Variants in OPRM1 observed in about 807,000 individuals in gnomAD.
OPRM1 encodes opioid receptor mu 1.
A neutral mutation model predicts 31.8 loss-of-function variants in OPRM1; 27 were observed. That is an observed-to-expected ratio of 0.85 (90% CI 0.63 to 1.17). The LOEUF (loss-of-function observed/expected upper bound fraction) is 1.17, where lower values mean the gene tolerates loss of function less well. OPRM1 is among the 50% of genes most tolerant of loss of function. The probability of loss-of-function intolerance (pLI) is 0.00; values close to 1 mark genes in which losing one functional copy is unlikely to be tolerated. For missense variants in OPRM1, 536 were observed against 511.1 expected, an observed-to-expected ratio of 1.05 and a Z score of -0.47; for synonymous variants, 196 against 189.9, an observed-to-expected ratio of 1.03 and a Z score of -0.26.
intron 3 of OPRM1, among the ~76,000 whole-genome samples, chr6:154,166,299 TG>T (rs1367451058): frequency 6.6e-6 from 1 of 152,204 alleles, no homozygotes; most frequent in Admixed American, 6.5e-5. Flanking sequence ...AGTGGCCAGG[TG>T]AGGGCATGGT....
At position 154,131,050 on chromosome 6, in the gene OPRM1, G is replaced by A. The variant is rs1056214968; in HGVS notation, c.*12329G>A. ...AAATAGGAAAGTTAAAAAAAAGTAAGTCTAAAGATTAGGTGCTCTGTCACT... is the reference window on the plus strand; with the variant it reads ...AAATAGGAAAGTTAAAAAAAAGTAAATCTAAAGATTAGGTGCTCTGTCACT... On this transcript the variant is annotated 3_prime_UTR_variant, in exon 4 of 4. Transcript: ENST00000330432. Among the ~76,000 whole-genome samples the A allele has an allele frequency of 1.4e-4, 22 of 152,122 alleles. No homozygotes were observed. Among genetic ancestry groups the A allele is most frequent in the African/African-American group, 5.3e-4 (22 of 41,500 alleles).
chr6:154,032,561 G>A (rs777186953), intron 1 of OPRM1, among the ~76,000 whole-genome samples: 2 of 152,036 alleles, frequency 1.3e-5, no homozygotes, highest in Admixed American at 6.5e-5. Flanking sequence ...TCAGCCTACC[G>A]AGTAGCTAGG....
rs145019814 is a variant in OPRM1, at chr6:154,118,941, G to A, written c.*220G>A. 444 of 1,299,344 alleles carry A rather than the reference G, an allele frequency of 3.4e-4. 2 individuals carry two copies. The African/African-American group carries it at 5.7e-3, about 17-fold the overall frequency. The allele number at this position is 1,299,344 out of a possible 1,614,324, so 80.5% of individuals were successfully genotyped here. On this transcript the variant is annotated 3_prime_UTR_variant, in exon 4 of 4. Transcript: ENST00000330432. Reference sequence around the variant, plus strand: ...AAGGAAAGGAATATACCACACCGAGGAGTCCAGTTTGTGCAAGACACCCAG... The same window carrying A: ...AAGGAAAGGAATATACCACACCGAGAAGTCCAGTTTGTGCAAGACACCCAG...
intron 3 of OPRM1, among the ~76,000 whole-genome samples, chr6:154,143,137 C>A (rs193225813): frequency 6.6e-6 from 1 of 152,240 alleles, no homozygotes; most frequent in Non-Finnish European, 1.5e-5. Flanking sequence ...CATAAATGCA[C>A]AGATATAATA....
At chr6:154,152,327 G>GGAAAGAA (rs1554285060) in intron 3 of OPRM1, among the ~76,000 whole-genome samples, 2 of 28,646 alleles carry the variant, frequency 7.0e-5, no homozygotes, top group Non-Finnish European at 1.4e-4. Flanking sequence ...AAGAAAGAAA[G>GGAAAGAA]AAAGAAAGAA....
At chr6:154,017,682 C>A (rs1388384069) in intron 1 of OPRM1, among the ~76,000 whole-genome samples, 1 of 152,160 alleles carries the variant, frequency 6.6e-6, no homozygotes, top group Non-Finnish European at 1.5e-5. Flanking sequence ...AGCCATAAAG[C>A]CTCCCCAACA....
chr6:154,201,887 T>G (rs1354973207), intron 3 of OPRM1, among the ~76,000 whole-genome samples: 1 of 151,990 alleles, frequency 6.6e-6, no homozygotes, highest in Non-Finnish European at 1.5e-5. Context: ...AGAGTGAGGC[T>G]CCATCTCAAA....
At chr6:154,013,838 CAT>C (rs1397428746) in intron 1 of OPRM1, among the ~76,000 whole-genome samples, 6 of 152,076 alleles carry the variant, frequency 3.9e-5, no homozygotes, top group Non-Finnish European at 7.4e-5. Flanking sequence ...AGTGGGAAGA[CAT>C]GTGGAAAGAG....
In OPRM1 at chr6:154,107,592, G is replaced by A. The variant is rs763459377; in HGVS notation, c.1165-11091G>A. ...ATTAATTTTGAGTTTGCAAAGGCTT[G>A]TAACTATTTCATATGATTTTTAGAG... On this transcript the variant is annotated intron_variant, in intron 3 of 3. Transcript: ENST00000330432. 8.4e-6 allele frequency: 6 copies of A among 718,540 alleles called. No individual in the cohort carries two copies. In the South Asian group the frequency reaches 8.9e-5, roughly 11 times the overall value. The allele number at this position is 718,540 out of a possible 1,614,324, so 44.5% of individuals were successfully genotyped here.
rs1358367146 is a variant in OPRM1 at position 154,204,967 on chromosome 6, T to C, written c.1165-41726T>C. On this transcript the variant is annotated intron_variant, in intron 3 of 3. Transcript: ENST00000337049. ...GCCTTCTTTCTGTCCCATCACCACATCTCTGGTCCCTTCTGCCAGAAAGGC... is the reference window on the plus strand; with the variant it reads ...GCCTTCTTTCTGTCCCATCACCACACCTCTGGTCCCTTCTGCCAGAAAGGC... 2.0e-5 allele frequency among the ~76,000 whole-genome samples: 3 copies of C among 152,144 alleles called. No homozygotes were observed. The East Asian group carries it at 5.8e-4, about 29-fold the overall frequency.
chr6:154,218,060 G>T (rs529635000), intron 3 of OPRM1, among the ~76,000 whole-genome samples: 1 of 152,200 alleles, frequency 6.6e-6, no homozygotes, highest in South Asian at 2.1e-4. Context: ...GGATCCACTG[G>T]CTTAGAGTAC....
Position 154,039,825 on chromosome 6 carries a change from T to C in OPRM1, c.281T>C (p.Val94Ala), listed in dbSNP as rs1468395159. The C allele has an allele frequency of 1.9e-6, 3 of 1,583,404 alleles. No individual in the cohort carries two copies. Among genetic ancestry groups the C allele is most frequent in the South Asian group, 1.1e-5 (1 of 89,132 alleles). Residue 94 changes from valine (V) to alanine (A), a missense_variant, in exon 1 of 4, where the codon GTG becomes GCG. Coordinates refer to ENST00000330432, the MANE Select transcript of OPRM1 (RefSeq NM_000914.5). ...TTCGGAAACTTCCTGGTCATGTATG[T>C]GATTGTCAGGTAAGGAAAGCGCCAG... The part of the protein sequence containing the change: ...GLFGNFLVMY[V>A]IVRYTKMKTA...
chr6:154,043,246 G>A (rs1341946034), intron 1 of OPRM1, among the ~76,000 whole-genome samples: 1 of 152,022 alleles, frequency 6.6e-6, no homozygotes, highest in Non-Finnish European at 1.5e-5. Flanking sequence ...TTCTTAATGT[G>A]GTTAGATAAA....
At chr6:154,200,749 A>T (rs912955558) in intron 3 of OPRM1, among the ~76,000 whole-genome samples, 1 of 152,168 alleles carries the variant, frequency 6.6e-6, no homozygotes, top group East Asian at 1.9e-4. Context: ...CAAAAGCTGG[A>T]GCCATTCCAG....
At chr6:154,103,087 C>T (rs1027574839) in intron 3 of OPRM1, among the ~76,000 whole-genome samples, 5 of 152,056 alleles carry the variant, frequency 3.3e-5, no homozygotes, top group African/African-American at 9.7e-5. Context: ...TGTTAGAGAA[C>T]CCCAGGAGGC....
chr6:154,152,347 G>GAAAGAAAA lies in OPRM1; in HGVS notation c.1164+60875_1164+60876insAAAGAAAA. On this transcript the variant is annotated intron_variant, in intron 3 of 3. Transcript: ENST00000337049. ...AGAAAGAAAGAAAGAAAGAAAGAAA[G>GAAAGAAAA]GAAAGAAAGAAAGAAAGAAAGAAAG... Among the ~76,000 whole-genome samples, 287 of 65,194 alleles carry GAAAGAAAA rather than the reference G, an allele frequency of 4.4e-3. 6 individuals carry two copies. Among genetic ancestry groups the GAAAGAAAA allele is most frequent in the East Asian group, 8.2e-3 (18 of 2,206 alleles). The allele number at this position is 65,194 out of a possible 152,430, so 42.8% of individuals were successfully genotyped here.
In OPRM1 at chr6:154,121,008, G is replaced by T. The variant is rs598160; in HGVS notation, c.*2287G>T. On this transcript the variant is annotated 3_prime_UTR_variant, in exon 4 of 4. Transcript: ENST00000330432. ...TTTTCATTCAAAACCATTTTTTAAC[G>T]TAAATTTGCTAGAACCACCTTCCAA... Among the ~76,000 whole-genome samples, 1 of 151,978 alleles carries T rather than the reference G, an allele frequency of 6.6e-6. No homozygotes were observed. Among genetic ancestry groups the T allele is most frequent in the African/African-American group, 2.4e-5 (1 of 41,368 alleles).
chr6:154,117,873 G>GTGTGTGTC (rs989234674), intron 3 of OPRM1, among the ~76,000 whole-genome samples: 1 of 151,672 alleles, frequency 6.6e-6, no homozygotes, highest in Non-Finnish European at 1.5e-5. Flanking sequence ...GTGTGTGTGT[G>GTGTGTGTC]TGTGTGTGTG....
At chr6:154,087,086 T>G in intron 1 of OPRM1, 1 of 985,184 alleles carries the variant, frequency 1.0e-6, no homozygotes, top group Non-Finnish European at 1.2e-6. Flanking sequence ...CTCTATCTTT[T>G]TCTTTAAAAT....
Sources: gnomAD v4.1 joint callset for allele counts (sites outside exome capture counted in the v4.1 genomes callset) on GRCh38, gnomAD v4.1.1 for gene constraint, MANE v1.5 for transcripts, NCBI Gene and HGNC (gene_info 2026-07-23, HGNC 2026-07-21) for gene names.